Variants in POLD2 observed in about 807,000 individuals in gnomAD.
POLD2 encodes DNA polymerase delta subunit 2.
In POLD2, 31 loss-of-function variants were observed where a neutral mutation model predicts 48.8. The ratio of observed to expected loss-of-function variants is 0.64; its 90% CI spans 0.48 to 0.86. The LOEUF (loss-of-function observed/expected upper bound fraction) is 0.86, where lower values mean the gene tolerates loss of function less well. Among genes scored for constraint, POLD2 ranks in the 40% least tolerant of loss-of-function variants. The pLI is 0.00. For synonymous variants in POLD2, 233 were observed against 256.3 expected, an observed-to-expected ratio of 0.91 and a Z score of 0.87; for missense variants, 455 against 610.1, an observed-to-expected ratio of 0.75 and a Z score of 2.68.
At chr7:44,117,544 A>T (rs2096242105) in intron 4 of POLD2, 75 bp downstream of exon 4, 1 of 1,488,080 alleles carries the variant, frequency 6.7e-7, no homozygotes, top group African/African-American at 1.4e-5. Context: ...CAGGCTCCCC[A>T]CTCACACCAT....
rs896869799 is a variant in POLD2, at chr7:44,121,165, T to C, written c.220+669A>G. On this transcript the variant is annotated intron_variant, in intron 2 of 10. Coordinates refer to ENST00000610533, the MANE Select transcript of POLD2 (RefSeq NM_006230.4). This position sits in a 1 kb window ranked among gnomAD's most constrained non-coding sequence, Gnocchi z 4.5. ...AAAATTACCTGGAAAGCCACTCTTA[T>C]GTAAGTGGTAGGAATGGGGGAATGC... Among the ~76,000 whole-genome samples, 1 of 152,046 alleles carries C rather than the reference T, an allele frequency of 6.6e-6. No individual in the cohort carries two copies. The highest frequency in any genetic ancestry group is 1.5e-5 in the Non-Finnish European group (1 of 68,008).
In POLD2 at chr7:44,122,071, G is replaced by C; in HGVS notation, c.-18C>G. 1 of 1,611,352 alleles carries C rather than the reference G, an allele frequency of 6.2e-7. No individual in the cohort carries two copies. The highest frequency in any genetic ancestry group is 8.5e-7 in the Non-Finnish European group (1 of 1,179,066). ...GAAAACATGGCCACACTCCTGACTT[G>C]CTTGGTCCACACAGCTTCGCCCAGG... On this transcript the variant is annotated 5_prime_UTR_variant, in exon 2 of 11. Transcript: ENST00000610533.
chr7:44,123,337 G>C (rs2096250871), intron 1 of POLD2, 174 bp downstream of exon 1: 1 of 1,374,976 alleles, frequency 7.3e-7, no homozygotes. Flanking sequence ...CGCTACTCGG[G>C]ATGGGGCCGA....
In POLD2 at chr7:44,116,860, T is replaced by C; in HGVS notation, c.737A>G (p.Asn246Ser). ...GCTCTGGGTGCTGTGGCTGAGGAGG[T>C]TGCCAGCGAGGATAACCCGGGAGAC... ...AHVSRVILAG[N>S]LLSHSTQSRD... Residue 246 changes from asparagine to serine, a missense_variant, in exon 6 of 11, where the codon AAC becomes AGC. Transcript: ENST00000610533. The surrounding 1 kb of genome is among the most constrained non-coding windows in gnomAD (Gnocchi z 6.1). The C allele has an allele frequency of 6.2e-7, 1 of 1,613,662 alleles. No homozygotes were observed. Among genetic ancestry groups the C allele is most frequent in the Non-Finnish European group, 8.5e-7 (1 of 1,179,942 alleles).
chr7:44,123,214 T>C (rs1271660602), intron 1 of POLD2: 20 of 1,260,550 alleles, frequency 1.6e-5, no homozygotes, highest in Non-Finnish European at 1.9e-5. Context: ...GCTTGCAATC[T>C]ATCTCCACGG....
rs763079565 is a variant in POLD2 at position 44,116,268 on chromosome 7, G to A, written c.866C>T (p.Ser289Leu). The A allele has an allele frequency of 5.0e-6, 8 of 1,609,054 alleles. No individual in the cohort carries two copies. The highest frequency in any genetic ancestry group is 6.8e-6 in the Non-Finnish European group (8 of 1,177,206). ...LDEILLQLSA[S>L]VPVDVMPGEF... Reference sequence around the variant, plus strand: ...GCCTGGCATCACGTCCACGGGCACTGAGGCCTGGAAGGCACAGGGCAGGGA... The same window carrying A: ...GCCTGGCATCACGTCCACGGGCACTAAGGCCTGGAAGGCACAGGGCAGGGA... The change falls in exon 8 of 11, where the codon TCA becomes TTA. Residue 289 changes from serine (S) to leucine (L), a missense_variant. By Grantham distance (145) the Ser-to-Leu change is moderately radical. Transcript: ENST00000610533. The surrounding 1 kb of genome is among the most constrained non-coding windows in gnomAD (Gnocchi z 6.1).
At chr7:44,123,621 G>A, upstream of POLD2, 1 of 1,399,624 alleles carries the variant, frequency 7.1e-7, no homozygotes, top group Non-Finnish European at 9.3e-7. Context: ...ACCAATCGCT[G>A]CCCTCCTCGC....
chr7:44,118,151 A>AG, intron 2 of POLD2, 87 bp from the exon 3 acceptor site: 1 of 1,464,332 alleles, frequency 6.8e-7, no homozygotes. Flanking sequence ...ACTCCATGAG[A>AG]GGCCAATCAC....
chr7:44,116,340 T>C lies in POLD2; in HGVS notation c.862-68A>G. The C allele has an allele frequency of 1.3e-6, 2 of 1,593,114 alleles. No homozygotes were observed. The highest frequency in any genetic ancestry group is 1.1e-5 in the South Asian group (1 of 89,012). ...AGCCCCCTACACCAACTCCGGCCACTCCCCCTGCCCTCCTGCCTGCCTTCT... is the reference window on the plus strand; with the variant it reads ...AGCCCCCTACACCAACTCCGGCCACCCCCCCTGCCCTCCTGCCTGCCTTCT... On this transcript the variant is annotated intron_variant, in intron 7 of 10. Coordinates refer to ENST00000610533, the MANE Select transcript of POLD2 (RefSeq NM_006230.4). This position sits in a 1 kb window ranked among gnomAD's most constrained non-coding sequence, Gnocchi z 6.1.
chr7:44,123,050 A>G (rs1249282529), intron 1 of POLD2: 4 of 203,804 alleles, frequency 2.0e-5, no homozygotes, highest in South Asian at 1.1e-4. Flanking sequence ...TGGACACACA[A>G]TGGATTTCTA....
chr7:44,123,561 G>T, upstream of POLD2: 1 of 1,480,464 alleles, frequency 6.8e-7, no homozygotes. Context: ...CCCGCCCATC[G>T]CCGCAACTCG....
upstream of POLD2, chr7:44,123,564 G>T (rs967728276): frequency 7.4e-6 from 11 of 1,476,980 alleles, no homozygotes; most frequent in Non-Finnish European, 9.8e-6. Context: ...GCCCATCGCC[G>T]CAACTCGCTA....
At chr7:44,123,438 C>G in intron 1 of POLD2, 73 bp downstream of exon 1, 1 of 1,487,856 alleles carries the variant, frequency 6.7e-7, no homozygotes, top group South Asian at 1.3e-5. Context: ...ACCAGCCCAC[C>G]GACCCAGGAG....
At position 44,122,042 on chromosome 7, in the gene POLD2, C is replaced by G; in HGVS notation, c.12G>C (p.Glu4Asp). Reference sequence around the variant, plus strand: ...GAGTGTGGGCCCTCTGGGCAGCCTGCTCAGAAAACATGGCCACACTCCTGA... The same window carrying G: ...GAGTGTGGGCCCTCTGGGCAGCCTGGTCAGAAAACATGGCCACACTCCTGA... MFS[E>D]QAAQRAHTLL... is the part of the protein sequence containing the mutation. Residue 4 changes from glutamate (E) to aspartate (D), a missense_variant, in exon 2 of 11, where the codon GAG becomes GAC. Glu to Asp is a conservative substitution (Grantham distance 45). This residue lies in a region of POLD2 where 349 missense variants were observed against 437.4 expected (regional missense o/e 0.80). Transcript: ENST00000610533. 1.2e-6 allele frequency: 2 copies of G among 1,612,944 alleles called. No individual in the cohort carries two copies. Among genetic ancestry groups the G allele is most frequent in the Non-Finnish European group, 1.7e-6 (2 of 1,179,992 alleles).
At chr7:44,115,022 A>C in intron 10 of POLD2, 77 bp from the exon 11 acceptor site, 1 of 1,312,602 alleles carries the variant, frequency 7.6e-7, no homozygotes, top group Non-Finnish European at 1.1e-6. Context: ...AGAAATAAAC[A>C]GGAGTCCCCA....
Position 44,114,782 on chromosome 7 carries a change from G to C in POLD2, c.*3C>G. 1 of 1,598,074 alleles carries C rather than the reference G, an allele frequency of 6.3e-7. No individual in the cohort carries two copies. The highest frequency in any genetic ancestry group is 1.3e-5 in the African/African-American group (1 of 74,320). On this transcript the variant is annotated 3_prime_UTR_variant, in exon 11 of 11. Transcript: ENST00000610533. ...CCTCTCTGGTCAAAACCACTTTTTTGAGTCAGGGGCCCAGCCCCAGGCCTC... is the reference window on the plus strand; with the variant it reads ...CCTCTCTGGTCAAAACCACTTTTTTCAGTCAGGGGCCCAGCCCCAGGCCTC...
In POLD2 at chr7:44,116,391, T is replaced by C; in HGVS notation, c.861+39A>G. On this transcript the variant is annotated intron_variant, in intron 7 of 10. Coordinates refer to ENST00000610533, the MANE Select transcript of POLD2 (RefSeq NM_006230.4). This position sits in a 1 kb window ranked among gnomAD's most constrained non-coding sequence, Gnocchi z 6.1. ...GTTGCCCAGTGGCAGCTTTGAAGAC[T>C]GCAATCCCCATCACCCCTCCAGCCC... 6.3e-7 allele frequency: 1 copy of C among 1,578,512 alleles called. No homozygotes were observed. Among genetic ancestry groups the C allele is most frequent in the Non-Finnish European group, 8.6e-7 (1 of 1,160,326 alleles).
At position 44,121,732 on chromosome 7, in the gene POLD2, C is replaced by T; in HGVS notation, c.220+102G>A. ...AAAGAGGTTAATTTTCCCAAGGTAA[C>T]AGGAAGTGGGATCAATTAGATAAAC... is the stretch of plus-strand genomic sequence containing the variant. On this transcript the variant is annotated intron_variant, in intron 2 of 10. Coordinates refer to ENST00000610533, the MANE Select transcript of POLD2 (RefSeq NM_006230.4). This position sits in a 1 kb window ranked among gnomAD's most constrained non-coding sequence, Gnocchi z 4.5. 1.7e-6 allele frequency: 2 copies of T among 1,144,682 alleles called. No homozygotes were observed. The highest frequency in any genetic ancestry group is 2.5e-6 in the Non-Finnish European group (2 of 814,824). 70.9% of individuals were successfully genotyped at this position (1,144,682 alleles called of 1,614,324 possible). A position where few individuals can be genotyped will look rare whatever the true frequency, so the allele number is the denominator to read the frequency against.
chr7:44,123,289 TG>T, intron 1 of POLD2: 1 of 1,362,668 alleles, frequency 7.3e-7, no homozygotes, highest in African/African-American at 1.5e-5. Context: ...TAGGAGCTTT[TG>T]GCTCGAACGT....
Sources: allele counts gnomAD v4.1 joint callset (sites outside exome capture counted in the v4.1 genomes callset), GRCh38; gene constraint gnomAD v4.1.1; regional missense constraint gnomAD v4.1.1; non-coding constraint Gnocchi (gnomAD v3.1); transcripts MANE v1.5; gene names NCBI Gene and HGNC (gene_info 2026-07-23, HGNC 2026-07-21).